The following ACACA variants were observed in gnomAD, a reference collection of about 807,000 sequenced individuals.
ACACA encodes acetyl-CoA carboxylase 1.
ACACA carries 103 observed loss-of-function variants against 296.1 expected under a neutral mutation model. The observed-to-expected ratio is 0.35, with a 90% CI of 0.30 to 0.41. The LOEUF (loss-of-function observed/expected upper bound fraction) is 0.41. Ranked by LOEUF, ACACA falls within the 10% of genes least tolerant of loss-of-function variation. The pLI, the probability that ACACA is intolerant of heterozygous loss-of-function variation, is 1.00. For synonymous variants in ACACA, 953 were observed against 1,038.6 expected (o/e 0.92, Z 1.58); for missense variants, 1,554 against 2,989.7 (o/e 0.52, Z 11.20).
At chr17:37,180,340 AGGT>A in intron 40 of ACACA, among the ~76,000 whole-genome samples, 1 of 152,182 alleles carries the variant, frequency 6.6e-6, no homozygotes, top group Non-Finnish European at 1.5e-5. Context: ...GGTTGCATAA[AGGT>A]AATCTCTTGT....
intron 1 of ACACA, chr17:37,388,715 T>C (rs1404109887): frequency 6.2e-7 from 1 of 1,612,238 alleles, no homozygotes; most frequent in Non-Finnish European, 8.5e-7. Flanking sequence ...AGTATTGTGG[T>C]CAAAATTCTG....
Position 37,245,193 on chromosome 17 carries a change from A to G in ACACA, c.2482T>C (p.Leu828=), listed in dbSNP as rs760900283. ...EIEVMKMVMT[L]TAVESGCIHY... is the part of the protein sequence containing the mutation. ...ATACAGCCAGACTCCACAGCTGTTA[A>G]GGTCATTACCATCTTCATTACCTAT... The change falls in exon 20 of 56, where the codon TTA becomes CTA. Residue 828 remains leucine (L), a synonymous_variant. Transcript: ENST00000616317. The G allele has an allele frequency of 3.1e-6, 5 of 1,613,982 alleles. No individual in the cohort carries two copies. The Admixed American group carries it at 5.0e-5, about 16-fold the overall frequency.
intron 38 of ACACA, 82 bp from the exon 39 acceptor site, chr17:37,188,562 G>C (rs938049520): frequency 2.2e-5 from 32 of 1,458,592 alleles, no homozygotes; most frequent in Non-Finnish European, 2.9e-5. Flanking sequence ...ATTTGAGAAA[G>C]AAGGGGTAAA....
At chr17:37,267,230 T>G (rs1257163656) in intron 10 of ACACA, among the ~76,000 whole-genome samples, 2 of 152,152 alleles carry the variant, frequency 1.3e-5, no homozygotes, top group Non-Finnish European at 2.9e-5. Flanking sequence ...TTGCCTGGAG[T>G]AATTCATGCA....
At chr17:37,381,914 A>C (rs978927707) in intron 1 of ACACA, among the ~76,000 whole-genome samples, 6 of 152,174 alleles carry the variant, frequency 3.9e-5, no homozygotes, top group African/African-American at 1.4e-4. Context: ...GGCGTGAGCC[A>C]CTGCACCCGG....
Position 37,330,371 on chromosome 17 carries a change from G to C in ACACA, c.140C>G (p.Pro47Arg), listed in dbSNP as rs992571763. 1 of 1,614,186 alleles carries C rather than the reference G, an allele frequency of 6.2e-7. No homozygotes were observed. ...IMDEPSPLAQ[P>R]LELNQHSRFI... is the part of the protein sequence containing the mutation. ...TCGAGAGTGCTGGTTCAGCTCCAGAGGTTGGGCCAAGGGAGATGGTTCATC... is the reference window on the plus strand; with the variant it reads ...TCGAGAGTGCTGGTTCAGCTCCAGACGTTGGGCCAAGGGAGATGGTTCATC... Residue 47 changes from proline (P) to arginine (R), a missense_variant, in exon 3 of 56, where the codon CCT (proline) becomes CGT (arginine). Pro to Arg is a moderately radical substitution (Grantham distance 103, BLOSUM62 -2). This residue lies in a region of ACACA where 140 missense variants were observed against 147.7 expected (regional missense o/e 0.95). Coordinates refer to ENST00000616317, the MANE Select transcript of ACACA (RefSeq NM_198834.3).
At chr17:37,339,701 T>C in intron 2 of ACACA, 103 bp downstream of exon 2, 1 of 765,424 alleles carries the variant, frequency 1.3e-6, no homozygotes, top group South Asian at 1.5e-5. Context: ...CTATATTATT[T>C]TGTGGAAGTC....
chr17:37,338,581 G>A (rs1302535408), intron 2 of ACACA, among the ~76,000 whole-genome samples: 4 of 151,108 alleles, frequency 2.6e-5, no homozygotes, highest in African/African-American at 9.7e-5. Context: ...CTTGAACCTG[G>A]GAGGTGACAG....
At chr17:37,217,562 C>T (rs1371781662) in intron 29 of ACACA, among the ~76,000 whole-genome samples, 1 of 151,534 alleles carries the variant, frequency 6.6e-6, no homozygotes, top group Non-Finnish European at 1.5e-5. Context: ...GGTGAAACCC[C>T]GTCTCTATTA....
At chr17:37,239,703 C>CT (rs1417960314) in intron 24 of ACACA, among the ~76,000 whole-genome samples, 1 of 152,104 alleles carries the variant, frequency 6.6e-6, no homozygotes, top group Non-Finnish European at 1.5e-5. Context: ...ACTGATCAAC[C>CT]TTGAATGCGT....
At chr17:37,365,385 G>A in intron 1 of ACACA, 1 of 924,056 alleles carries the variant, frequency 1.1e-6, no homozygotes, top group African/African-American at 1.8e-5. Context: ...CTTCAAGTAG[G>A]ACTAGGTATT....
At position 37,390,291 on chromosome 17, in the gene ACACA, ATATTATACATAAT is replaced by A. The variant is rs2050781152; in HGVS notation, c.38+15958_38+15970del. ...TATATAATATATTATATATAATTAT[ATATTATACATAAT>A]TATATATATATATATATATATATAT... is the stretch of plus-strand genomic sequence containing the variant. On this transcript the variant is annotated intron_variant, in intron 1 of 55. Transcript: ENST00000616317. 1.8e-4 allele frequency among the ~76,000 whole-genome samples: 8 copies of A among 45,112 alleles called. 1 individual carries two copies. The highest frequency in any genetic ancestry group is 2.4e-4 in the Non-Finnish European group (7 of 28,970). 29.6% of individuals were successfully genotyped at this position (45,112 alleles called of 152,430 possible). A position where few individuals can be genotyped will look rare whatever the true frequency, so the allele number is the denominator to read the frequency against.
At chr17:37,151,164 G>T in intron 44 of ACACA, 137 bp downstream of exon 44, 1 of 988,420 alleles carries the variant, frequency 1.0e-6, no homozygotes, top group Non-Finnish European at 1.5e-6. Context: ...ATTATCATGT[G>T]TGATTAAAAT....
chr17:37,214,744 C>A (rs1208314334), intron 29 of ACACA, among the ~76,000 whole-genome samples: 2 of 152,188 alleles, frequency 1.3e-5, no homozygotes, highest in Admixed American at 1.3e-4. Flanking sequence ...TTCTCTTCTG[C>A]CAGATACTTG....
chr17:37,250,472 T>C (rs1399829020), intron 16 of ACACA, among the ~76,000 whole-genome samples: 2 of 151,760 alleles, frequency 1.3e-5, no homozygotes, highest in African/African-American at 2.4e-5. Context: ...ACTCCGTCTC[T>C]ACTAAAAATA....
chr17:37,148,759 G>A (rs2075918754), intron 45 of ACACA, among the ~76,000 whole-genome samples: 1 of 151,970 alleles, frequency 6.6e-6, no homozygotes, highest in Admixed American at 6.6e-5. Context: ...TTAAGAGATG[G>A]GGTCTTACTA....
At chr17:37,389,697 GAAAGAAAA>G (rs1436792820) in intron 1 of ACACA, among the ~76,000 whole-genome samples, 1 of 151,172 alleles carries the variant, frequency 6.6e-6, no homozygotes, top group Non-Finnish European at 1.5e-5. Flanking sequence ...AAAAAAAAAA[GAAAGAAAA>G]AAAGAAAAAC....
At chr17:37,372,683 C>A (rs1318916639) in intron 1 of ACACA, among the ~76,000 whole-genome samples, 4 of 152,134 alleles carry the variant, frequency 2.6e-5, no homozygotes, top group Non-Finnish European at 5.9e-5. Flanking sequence ...TATCTCTGAA[C>A]TGCATATGTC....
intron 1 of ACACA, among the ~76,000 whole-genome samples, chr17:37,397,381 C>A (rs542016014): frequency 5.8e-4 from 89 of 152,158 alleles, no homozygotes; most frequent in Admixed American, 1.6e-3. Flanking sequence ...CAACAAAGCA[C>A]CATGTTCATA....
Sources: allele counts gnomAD v4.1 joint callset (sites outside exome capture counted in the v4.1 genomes callset), GRCh38; gene constraint gnomAD v4.1.1; regional missense constraint gnomAD v4.1.1; transcripts MANE v1.5; gene names NCBI Gene and HGNC (gene_info 2026-07-23, HGNC 2026-07-21).